The following SSBP2 variants were observed in gnomAD, a reference collection of about 807,000 sequenced individuals.
SSBP2 encodes the protein single stranded DNA binding protein 2.
SSBP2 carries 17 observed loss-of-function variants against 61.8 expected under a neutral mutation model. The observed-to-expected ratio is 0.28, with a 90% CI of 0.19 to 0.41. SSBP2 has a LOEUF of 0.41. Among genes scored for constraint, SSBP2 ranks in the 10% least tolerant of loss-of-function variants. The pLI, the probability that SSBP2 is intolerant of heterozygous loss-of-function variation, is 1.00. For synonymous variants in SSBP2, 139 were observed against 141.3 expected, an observed-to-expected ratio of 0.98 and a Z score of 0.12; for missense variants, 310 against 458.7, an observed-to-expected ratio of 0.68 and a Z score of 2.96.
At chr5:81,679,919 T>C (rs916248804) in intron 1 of SSBP2, among the ~76,000 whole-genome samples, 8 of 149,030 alleles carry the variant, frequency 5.4e-5, no homozygotes, top group African/African-American at 2.0e-4. Context: ...ATGGGCATCA[T>C]CCAATCTGGT....
At chr5:81,460,977 A>G in intron 10 of SSBP2, 78 bp downstream of exon 10, 1 of 951,438 alleles carries the variant, frequency 1.1e-6, no homozygotes. Flanking sequence ...CAAAGCTTTC[A>G]AAAGCAAAAT....
At chr5:81,469,205 G>A (rs967621938) in intron 8 of SSBP2, among the ~76,000 whole-genome samples, 1 of 151,736 alleles carries the variant, frequency 6.6e-6, no homozygotes, top group African/African-American at 2.4e-5. Flanking sequence ...GTGTGATCTT[G>A]GGCAAATGAT....
At chr5:81,724,712 A>G (rs1222490975) in intron 1 of SSBP2, among the ~76,000 whole-genome samples, 1 of 152,168 alleles carries the variant, frequency 6.6e-6, no homozygotes, top group Non-Finnish European at 1.5e-5. Flanking sequence ...GGGATATGTA[A>G]TATCGGGTTA....
upstream of SSBP2, chr5:81,751,364 C>T: frequency 2.0e-6 from 1 of 497,452 alleles, no homozygotes; most frequent in East Asian, 3.5e-5. Context: ...CCCTCCGAAC[C>T]CGGGCGCAAG....
chr5:81,665,916 ATAGT>A (rs1450845482), intron 1 of SSBP2, among the ~76,000 whole-genome samples: 1 of 152,196 alleles, frequency 6.6e-6, no homozygotes, highest in Admixed American at 6.5e-5. Flanking sequence ...CAAAATGCCA[ATAGT>A]TAGCTGGATC....
intron 16 of SSBP2, among the ~76,000 whole-genome samples, chr5:81,420,771 A>G (rs1761556153): frequency 6.6e-6 from 1 of 152,180 alleles, no homozygotes; most frequent in Non-Finnish European, 1.5e-5. Context: ...CTCTCCCTGC[A>G]CCCAGAGGCT....
chr5:81,519,666 A>C (rs1769306908), intron 4 of SSBP2, among the ~76,000 whole-genome samples: 1 of 152,028 alleles, frequency 6.6e-6, no homozygotes, highest in Non-Finnish European at 1.5e-5. Context: ...TGCCATGCAG[A>C]CCAAAAAAAA....
chr5:81,488,010 A>AATATATATATATATATAT (rs59039206), intron 6 of SSBP2, among the ~76,000 whole-genome samples: 8 of 38,926 alleles, frequency 2.1e-4, no homozygotes, highest in East Asian at 1.9e-3. Context: ...ATGGCCAAAT[A>AATATATATATATATATAT]ATATATATAT....
chr5:81,673,093 G>A (rs549486216), intron 1 of SSBP2, among the ~76,000 whole-genome samples: 17 of 152,124 alleles, frequency 1.1e-4, no homozygotes, highest in African/African-American at 3.9e-4. Context: ...TGCCGTCCTC[G>A]GCCTCCCAAA....
intron 1 of SSBP2, among the ~76,000 whole-genome samples, chr5:81,717,970 T>C (rs1463302125): frequency 6.6e-6 from 1 of 152,148 alleles, no homozygotes; most frequent in Non-Finnish European, 1.5e-5. Context: ...AGCTGACGCA[T>C]GCTGGTGCCT....
intron 1 of SSBP2, among the ~76,000 whole-genome samples, chr5:81,667,448 A>G (rs905958065): frequency 1.3e-4 from 20 of 152,152 alleles, no homozygotes; most frequent in Non-Finnish European, 1.5e-5. Context: ...CACCAAGAGC[A>G]TTCAGTAGAG....
chr5:81,514,540 T>G (rs1055571825), intron 4 of SSBP2, among the ~76,000 whole-genome samples: 1 of 151,988 alleles, frequency 6.6e-6, no homozygotes, highest in East Asian at 1.9e-4. Flanking sequence ...CTCAACCTGA[T>G]TAGACATATT....
chr5:81,470,056 T>C (rs1331866582), intron 8 of SSBP2, among the ~76,000 whole-genome samples: 2 of 151,922 alleles, frequency 1.3e-5, no homozygotes, highest in African/African-American at 2.4e-5. Flanking sequence ...ATAGAATCAG[T>C]TTACTTTTTC....
At position 81,468,837 on chromosome 5, in the gene SSBP2, T is replaced by A. The variant is rs769861050; in HGVS notation, c.571-1796A>T. ...TCCAAATTTGTGAGCTATGGGACAA[T>A]AGAATGATTTCTGTTCACACTTGAG... On this transcript the variant is annotated intron_variant, in intron 8 of 16. Coordinates refer to ENST00000320672, the MANE Select transcript of SSBP2 (RefSeq NM_012446.5). 3.3e-5 allele frequency among the ~76,000 whole-genome samples: 5 copies of A among 152,128 alleles called. No individual in the cohort carries two copies. The South Asian group carries it at 8.3e-4, about 25-fold the overall frequency.
rs190291661 is a variant in SSBP2, at chr5:81,421,237, G to A, written c.1057-704C>T. ...AACAGGGTCTCACTCTGTCACTCAG[G>A]CTGGAGTGCAGTGGTGTGATCTCAG... is the stretch of plus-strand genomic sequence containing the variant. On this transcript the variant is annotated intron_variant, in intron 16 of 16. Coordinates refer to ENST00000320672, the MANE Select transcript of SSBP2 (RefSeq NM_012446.5). 4.6e-5 allele frequency among the ~76,000 whole-genome samples: 7 copies of A among 152,244 alleles called. No homozygotes were observed. In the East Asian group the frequency reaches 1.2e-3, roughly 25 times the overall value.
chr5:81,747,266 G>A (rs1757417968), intron 1 of SSBP2, among the ~76,000 whole-genome samples: 1 of 152,108 alleles, frequency 6.6e-6, no homozygotes, highest in Non-Finnish European at 1.5e-5. Flanking sequence ...ACTGAAAAAT[G>A]TATCTTTCAG....
In SSBP2 at chr5:81,418,453, A is replaced by T. The variant is rs1761413120; in HGVS notation, c.*2051T>A. The T allele has an allele frequency of 6.6e-6, 1 of 152,158 alleles. No homozygotes were observed. The allele number at this position is 152,158 out of a possible 1,614,324, so 9.4% of individuals were successfully genotyped here. On this transcript the variant is annotated 3_prime_UTR_variant, in exon 17 of 17. Coordinates refer to ENST00000320672, the MANE Select transcript of SSBP2 (RefSeq NM_012446.5). ...CTGTTTAGGCACAGGCAAAATCTTTATTTTTACAAGGACTAAATCATTATG... is the reference window on the plus strand; with the variant it reads ...CTGTTTAGGCACAGGCAAAATCTTTTTTTTTACAAGGACTAAATCATTATG...
intron 5 of SSBP2, among the ~76,000 whole-genome samples, chr5:81,499,880 A>T (rs1028018514): frequency 6.6e-6 from 1 of 152,222 alleles, no homozygotes. Flanking sequence ...GAAGATAGGT[A>T]CTTCAATTTA....
At chr5:81,659,661 C>A (rs967809096) in intron 1 of SSBP2, among the ~76,000 whole-genome samples, 1 of 152,104 alleles carries the variant, frequency 6.6e-6, no homozygotes, top group African/African-American at 2.4e-5. Flanking sequence ...CTAAAAAAAA[C>A]TACTTTAAAT....
Sources: gnomAD v4.1 joint callset for allele counts (sites outside exome capture counted in the v4.1 genomes callset) on GRCh38, gnomAD v4.1.1 for gene constraint, MANE v1.5 for transcripts, NCBI Gene and HGNC (gene_info 2026-07-23, HGNC 2026-07-21) for gene names.